Variants in SND1 observed in about 807,000 individuals in gnomAD.
The protein encoded by SND1 is staphylococcal nuclease and tudor domain containing 1.
A neutral mutation model predicts 121.7 loss-of-function variants in SND1; 38 were observed. The ratio of observed to expected loss-of-function variants is 0.31; its 90% CI spans 0.24 to 0.41. The LOEUF is 0.41. Ranked by LOEUF, SND1 falls within the 10% of genes least tolerant of loss-of-function variation. The pLI, the probability that SND1 is intolerant of heterozygous loss-of-function variation, is 1.00. For synonymous variants in SND1, 401 were observed against 447.4 expected (o/e 0.90, Z 1.31); for missense variants, 868 against 1,184.6 (o/e 0.73, Z 3.92).
rs146781686 is a variant in SND1, at chr7:128,036,159, A to G, written c.1780-38343A>G. On this transcript the variant is annotated intron_variant, in intron 16 of 23. Coordinates refer to ENST00000354725, the MANE Select transcript of SND1 (RefSeq NM_014390.4). ...TAATAATAAAAAGTAGGAATGGTCT[A>G]CATGGAAATAGTCACTGCCTTCTTT... Among the ~76,000 whole-genome samples, 16 of 152,316 alleles carry G rather than the reference A, an allele frequency of 1.1e-4. No homozygotes were observed. The East Asian group carries it at 2.7e-3, about 26-fold the overall frequency.
chr7:127,895,151 G>A (rs963497723), intron 13 of SND1, among the ~76,000 whole-genome samples: 4 of 151,970 alleles, frequency 2.6e-5, no homozygotes, highest in African/African-American at 7.2e-5. Context: ...CTTCTCAACA[G>A]TTTAATGGTA....
chr7:128,083,796 A>G (rs1438294288), intron 18 of SND1, among the ~76,000 whole-genome samples: 2 of 152,156 alleles, frequency 1.3e-5, no homozygotes, highest in Non-Finnish European at 2.9e-5. Context: ...TCTGAGACGC[A>G]AGGGGCAAAA....
At chr7:127,939,315 C>G (rs1171653800) in intron 15 of SND1, among the ~76,000 whole-genome samples, 1 of 152,082 alleles carries the variant, frequency 6.6e-6, no homozygotes, top group Non-Finnish European at 1.5e-5. Flanking sequence ...ATGCCAATAC[C>G]TGAAGATTGG....
intron 2 of SND1, among the ~76,000 whole-genome samples, chr7:127,689,357 T>TAAC (rs1449330141): frequency 1.3e-5 from 2 of 152,256 alleles, no homozygotes. Flanking sequence ...TCCTATTGTG[T>TAAC]AACAGCTTGA....
At chr7:127,830,522 T>C (rs1214187586) in intron 11 of SND1, among the ~76,000 whole-genome samples, 1 of 152,206 alleles carries the variant, frequency 6.6e-6, no homozygotes, top group Non-Finnish European at 1.5e-5. Flanking sequence ...TTTCTTCCCC[T>C]GGTAGGATTA....
chr7:128,004,970 C>T (rs894851286), intron 16 of SND1, among the ~76,000 whole-genome samples: 1 of 152,218 alleles, frequency 6.6e-6, no homozygotes, highest in Non-Finnish European at 1.5e-5. Context: ...AAGTACGAAG[C>T]AAGATAGCTT....
intron 13 of SND1, among the ~76,000 whole-genome samples, chr7:127,893,392 A>G (rs1158162361): frequency 6.6e-6 from 1 of 152,126 alleles, no homozygotes; most frequent in African/African-American, 2.4e-5. Context: ...TGATGCTACC[A>G]GTAGCTTTAT....
intron 12 of SND1, among the ~76,000 whole-genome samples, chr7:127,860,727 A>G (rs183749582): frequency 6.6e-6 from 1 of 152,332 alleles, no homozygotes; most frequent in African/African-American, 2.4e-5. Flanking sequence ...AAAGGTGTTA[A>G]TCTCTTTTGT....
At chr7:127,664,315 T>C (rs534872713) in intron 1 of SND1, among the ~76,000 whole-genome samples, 1 of 152,192 alleles carries the variant, frequency 6.6e-6, no homozygotes, top group Non-Finnish European at 1.5e-5. Context: ...AATGAGTGAC[T>C]CTGGGAAGCT....
intron 10 of SND1, among the ~76,000 whole-genome samples, chr7:127,766,689 G>A (rs996575418): frequency 8.8e-5 from 12 of 136,028 alleles, no homozygotes; most frequent in East Asian, 4.6e-4. Context: ...GCAGAATGGC[G>A]TGAACCCAGG....
intron 15 of SND1, among the ~76,000 whole-genome samples, chr7:127,952,837 G>C (rs1428915442): frequency 1.3e-5 from 2 of 152,112 alleles, no homozygotes; most frequent in Non-Finnish European, 2.9e-5. Context: ...CATAGTGTGG[G>C]TGACTGTAGC....
At chr7:127,660,368 G>A (rs1265291780) in intron 1 of SND1, among the ~76,000 whole-genome samples, 1 of 152,222 alleles carries the variant, frequency 6.6e-6, no homozygotes, top group Non-Finnish European at 1.5e-5. Context: ...GTCTATTCTT[G>A]CCCTGCTCTT....
At chr7:127,679,006 G>C (rs984802567) in intron 1 of SND1, 1 of 152,196 alleles carries the variant, frequency 6.6e-6, no homozygotes, top group African/African-American at 2.4e-5. Flanking sequence ...TAGAGTCCCT[G>C]CATGTGCAGC....
At chr7:128,090,013 C>T (rs974933440) in intron 22 of SND1, among the ~76,000 whole-genome samples, 2 of 152,162 alleles carry the variant, frequency 1.3e-5, no homozygotes, top group African/African-American at 4.8e-5. Context: ...CCCTCCCGCT[C>T]TCCCAGTCTC....
rs1795819056 is a variant in SND1 at position 127,686,721 on chromosome 7, G to A, written c.187G>A (p.Ala63Thr). 2 of 1,614,154 alleles carry A rather than the reference G, an allele frequency of 1.2e-6. No homozygotes were observed. The change falls in exon 2 of 24, where the codon GCA becomes ACA. Residue 63 changes from alanine to threonine, a missense_variant. This residue lies in a region of SND1 where 125 missense variants were observed against 113.3 expected (regional missense o/e 1.10). Transcript: ENST00000354725. ...TCGTGCTGGAAATCTTGCTCGCCGG[G>A]CAGCCGCCACACAACCTGATGCAAA... ...NIRAGNLARR[A>T]AATQPDAKDT...
intron 1 of SND1, among the ~76,000 whole-genome samples, chr7:127,667,167 A>G (rs1267080194): frequency 6.6e-6 from 1 of 152,184 alleles, no homozygotes; most frequent in Middle Eastern, 3.2e-3. Flanking sequence ...AGCTCTGTAT[A>G]TAAATCTGAG....
chr7:128,018,726 G>A (rs1803282642), intron 16 of SND1, among the ~76,000 whole-genome samples: 1 of 152,128 alleles, frequency 6.6e-6, no homozygotes, highest in Non-Finnish European at 1.5e-5. Context: ...GCCACCAGGG[G>A]CAAAATAAGG....
chr7:127,766,730 C>T (rs1248086577), intron 10 of SND1, among the ~76,000 whole-genome samples: 1 of 127,720 alleles, frequency 7.8e-6, no homozygotes, highest in Non-Finnish European at 1.6e-5. Flanking sequence ...CGAGATGGCG[C>T]CACTGCACTC....
chr7:127,886,024 G>A (rs957689256), intron 12 of SND1, among the ~76,000 whole-genome samples: 8 of 152,030 alleles, frequency 5.3e-5, no homozygotes, highest in Admixed American at 5.2e-4. Flanking sequence ...ATCTACATCT[G>A]CTGATTTGAG....
Sources: gnomAD v4.1 joint callset for allele counts (sites outside exome capture counted in the v4.1 genomes callset) on GRCh38, gnomAD v4.1.1 for gene constraint, gnomAD v4.1.1 regional missense constraint, MANE v1.5 for transcripts, NCBI Gene and HGNC (gene_info 2026-07-23, HGNC 2026-07-21) for gene names.